Variants in MARCHF7 observed in about 807,000 individuals in gnomAD.
MARCHF7 encodes E3 ubiquitin-protein ligase MARCHF7.
A neutral mutation model predicts 76.5 loss-of-function variants in MARCHF7; 20 were observed. The ratio of observed to expected loss-of-function variants is 0.26; its 90% CI spans 0.18 to 0.38. MARCHF7 has a LOEUF of 0.38. Ranked by LOEUF, MARCHF7 falls within the 10% of genes least tolerant of loss-of-function variation. The pLI is 1.00. For missense variants in MARCHF7, 797 were observed against 812.9 expected (o/e 0.98, Z 0.24); for synonymous variants, 295 against 293.0 (o/e 1.01, Z -0.07).
intron 4 of MARCHF7, 113 bp from the exon 5 acceptor site, chr2:159,742,948 A>T: frequency 1.1e-6 from 1 of 884,914 alleles, no homozygotes; most frequent in Non-Finnish European, 1.7e-6. Flanking sequence ...AAAAAAAAAA[A>T]GAACTACGTG....
At position 159,731,894 on chromosome 2, in the gene MARCHF7, G is replaced by C. The variant is rs182283561; in HGVS notation, c.153+2719G>C. On this transcript the variant is annotated intron_variant, in intron 4 of 11. Transcript: ENST00000409175. Reference sequence around the variant, plus strand: ...CTTAGGCAGGCGGATCACAAGGTCAGGAGATCGAGACCATCCTGGCTAACA... The same window carrying C: ...CTTAGGCAGGCGGATCACAAGGTCACGAGATCGAGACCATCCTGGCTAACA... Among the ~76,000 whole-genome samples the C allele has an allele frequency of 9.2e-5, 14 of 151,812 alleles. No homozygotes were observed. In the East Asian group the frequency reaches 2.5e-3, roughly 27 times the overall value.
chr2:159,728,063 A>G (rs547278304), intron 3 of MARCHF7, among the ~76,000 whole-genome samples: 10 of 152,334 alleles, frequency 6.6e-5, no homozygotes, highest in Non-Finnish European at 1.5e-4. Flanking sequence ...TTAAAATGTT[A>G]CTTTCCAATA....
chr2:159,723,041 T>G (rs997925998), intron 3 of MARCHF7, among the ~76,000 whole-genome samples: 10 of 152,240 alleles, frequency 6.6e-5, no homozygotes, highest in African/African-American at 2.4e-4. Flanking sequence ...AAAAGCATTT[T>G]GTTTCCCAAA....
chr2:159,739,271 C>G lies in MARCHF7; in HGVS notation c.154-3790C>G, dbSNP rs531572170. Among the ~76,000 whole-genome samples the G allele has an allele frequency of 6.6e-5, 10 of 152,344 alleles. 2 individuals are homozygous for G. In the South Asian group the frequency reaches 2.1e-3, roughly 32 times the overall value. On this transcript the variant is annotated intron_variant, in intron 4 of 11. Transcript: ENST00000409175. ...TGTGGAGCGCACAGACCCTGCCACG[C>G]CTCCCCTGCTGCAGCCGGCGTCTTT...
At chr2:159,718,222 T>C (rs1701253928) in intron 3 of MARCHF7, among the ~76,000 whole-genome samples, 1 of 152,222 alleles carries the variant, frequency 6.6e-6, no homozygotes, top group Admixed American at 6.5e-5. Context: ...TGCACTCAGC[T>C]AGCGTATTTC....
chr2:159,739,392 A>G (rs12998291), intron 4 of MARCHF7, among the ~76,000 whole-genome samples: 52,353 of 152,110 alleles, frequency 0.34, 9,208 homozygotes, highest in South Asian at 0.44. Context: ...ATCAAACATC[A>G]AGTTACTACA....
intron 4 of MARCHF7, 52 bp from the exon 5 acceptor site, chr2:159,743,009 T>A (rs1704329610): frequency 2.0e-6 from 3 of 1,481,118 alleles, no homozygotes; most frequent in Non-Finnish European, 2.8e-6. Flanking sequence ...TGGGTTAAAT[T>A]TAGTACTGAA....
chr2:159,764,620 T>C lies in MARCHF7; in HGVS notation c.2008-6T>C, dbSNP rs1329469350. On this transcript the variant is annotated splice_region_variant and splice_polypyrimidine_tract_variant and intron_variant, in intron 10 of 11. Coordinates refer to ENST00000409175, the MANE Select transcript of MARCHF7 (RefSeq NM_001282805.2). ...ACTACTGTATTTCTTTCTGCATTGT[T>C]TCTAGTTTATTAACCTTGCAAGAAC... is the stretch of plus-strand genomic sequence containing the variant. 5 of 1,592,308 alleles carry C rather than the reference T, an allele frequency of 3.1e-6. No homozygotes were observed. Among genetic ancestry groups the C allele is most frequent in the Non-Finnish European group, 4.3e-6 (5 of 1,168,852 alleles).
chr2:159,763,499 C>T (rs745370344), intron 10 of MARCHF7, among the ~76,000 whole-genome samples: 2 of 152,158 alleles, frequency 1.3e-5, no homozygotes, highest in Non-Finnish European at 2.9e-5. Flanking sequence ...CATAATACAA[C>T]ATTTTGGCCA....
intron 4 of MARCHF7, 37 bp downstream of exon 4, chr2:159,729,212 T>C: frequency 1.3e-6 from 2 of 1,482,112 alleles, no homozygotes; most frequent in South Asian, 1.3e-5. Flanking sequence ...ATACAGCCTT[T>C]TTCAAAATCC....
In MARCHF7 at chr2:159,768,721, T is replaced by G. The variant is rs573241602; in HGVS notation, c.*1379T>G. The stretch of plus-strand genomic sequence containing the variant: ...TTTGCTCACCTCTTGCCAGTTACCT[T>G]TGCATTGTCTGTCTTAAAGCAAAAA... On this transcript the variant is annotated 3_prime_UTR_variant, in exon 12 of 12. Coordinates refer to ENST00000409175, the MANE Select transcript of MARCHF7 (RefSeq NM_001282805.2). The G allele has an allele frequency of 6.5e-6, 1 of 152,674 alleles. No individual in the cohort carries two copies. Among genetic ancestry groups the G allele is most frequent in the South Asian group, 2.1e-4 (1 of 4,830 alleles). 9.5% of individuals were successfully genotyped at this position (152,674 alleles called of 1,614,324 possible).
chr2:159,753,695 T>C (rs888037304), intron 8 of MARCHF7, among the ~76,000 whole-genome samples: 1 of 152,172 alleles, frequency 6.6e-6, no homozygotes, highest in African/African-American at 2.4e-5. Flanking sequence ...TTGGCTGCTT[T>C]GTGGAGAATG....
At chr2:159,713,812 TA>T (rs1213627216) in intron 1 of MARCHF7, among the ~76,000 whole-genome samples, 1 of 152,208 alleles carries the variant, frequency 6.6e-6, no homozygotes, top group African/African-American at 2.4e-5. Flanking sequence ...CATAGTTATT[TA>T]AGTTCACGAG....
chr2:159,766,609 C>G (rs953054707), intron 11 of MARCHF7, among the ~76,000 whole-genome samples: 9 of 152,040 alleles, frequency 5.9e-5, no homozygotes, highest in African/African-American at 2.2e-4. Context: ...ATTTTTAACT[C>G]TTGAGCCACT....
chr2:159,713,501 A>G (rs1031563583), intron 1 of MARCHF7, among the ~76,000 whole-genome samples: 3 of 152,196 alleles, frequency 2.0e-5, no homozygotes, highest in Admixed American at 1.3e-4. Context: ...CCCATTTTGT[A>G]GGATTGATTA....
chr2:159,750,195 C>T (rs1326177253), intron 7 of MARCHF7, among the ~76,000 whole-genome samples: 1 of 152,212 alleles, frequency 6.6e-6, no homozygotes, highest in South Asian at 2.1e-4. Flanking sequence ...CATGAGCCAC[C>T]ATGCCCAGCC....
chr2:159,713,382 A>G (rs1215288371), intron 1 of MARCHF7, among the ~76,000 whole-genome samples: 3 of 152,164 alleles, frequency 2.0e-5, no homozygotes, highest in African/African-American at 7.2e-5. Context: ...TCAAGTACCA[A>G]AGTAAATATA....
At chr2:159,744,868 A>G (rs945595330) in intron 5 of MARCHF7, among the ~76,000 whole-genome samples, 2 of 152,234 alleles carry the variant, frequency 1.3e-5, no homozygotes, top group African/African-American at 2.4e-5. Context: ...TTCAAGGTAA[A>G]TAGTGAAGGA....
At chr2:159,725,237 A>G (rs1702033308) in intron 3 of MARCHF7, among the ~76,000 whole-genome samples, 2 of 152,208 alleles carry the variant, frequency 1.3e-5, no homozygotes. Flanking sequence ...TTCTAGTTCT[A>G]GATCCTTGAG....
Sources: allele counts gnomAD v4.1 joint callset (sites outside exome capture counted in the v4.1 genomes callset), GRCh38; gene constraint gnomAD v4.1.1; transcripts MANE v1.5; gene names NCBI Gene and HGNC (gene_info 2026-07-23, HGNC 2026-07-21).